The following RAB6B variants were observed in gnomAD, a reference collection of about 807,000 sequenced individuals.
RAB6B encodes RAB6B, member RAS oncogene family.
Under a neutral mutation model 31.2 loss-of-function variants are expected in RAB6B, and 7 were observed. That is an observed-to-expected ratio of 0.22 (90% confidence interval 0.13 to 0.42). The LOEUF (loss-of-function observed/expected upper bound fraction) is 0.42. Ranked by LOEUF, RAB6B falls within the 10% of genes least tolerant of loss-of-function variation. RAB6B has a pLI of 1.00. For missense variants in RAB6B, 149 were observed against 280.6 expected (o/e 0.53, Z 3.35); for synonymous variants, 105 against 104.9 (o/e 1.00, Z -0.01).
intron 1 of RAB6B, among the ~76,000 whole-genome samples, chr3:133,866,664 G>A (rs980759249): frequency 1.1e-4 from 16 of 152,248 alleles, no homozygotes; most frequent in Non-Finnish European, 2.9e-5. Flanking sequence ...TTCACATGAA[G>A]GTGAGAAGTA....
chr3:133,871,635 G>A (rs1183199844), intron 1 of RAB6B, among the ~76,000 whole-genome samples: 1 of 152,222 alleles, frequency 6.6e-6, no homozygotes, highest in Non-Finnish European at 1.5e-5. Context: ...CTCCACGAAG[G>A]ACAGCTCTTC....
chr3:133,830,223 G>C (rs899767822), intron 7 of RAB6B, among the ~76,000 whole-genome samples: 6 of 152,212 alleles, frequency 3.9e-5, no homozygotes, highest in Non-Finnish European at 7.3e-5. Flanking sequence ...AGGCCTCCTT[G>C]AGGTCTCCTG....
intron 2 of RAB6B, among the ~76,000 whole-genome samples, chr3:133,850,934 A>G (rs1389181570): frequency 1.3e-5 from 2 of 151,986 alleles, no homozygotes; most frequent in Non-Finnish European, 2.9e-5. Context: ...CACCTCACGC[A>G]AGGAAATAAC....
chr3:133,886,579 A>G (rs755108145), intron 1 of RAB6B, among the ~76,000 whole-genome samples: 2 of 151,982 alleles, frequency 1.3e-5, no homozygotes, highest in Non-Finnish European at 2.9e-5. Context: ...TGGGGAAAAC[A>G]CTGGCCAGGG....
intron 4 of RAB6B, 42 bp downstream of exon 4, chr3:133,841,243 C>A: frequency 1.2e-6 from 2 of 1,600,788 alleles, no homozygotes; most frequent in Non-Finnish European, 8.6e-7. Flanking sequence ...GGCCCTGGAC[C>A]CCCTATGAGC....
chr3:133,838,341 G>T, intron 5 of RAB6B, 82 bp from the exon 6 acceptor site: 3 of 1,276,304 alleles, frequency 2.4e-6, no homozygotes, highest in Non-Finnish European at 2.3e-6. Context: ...ACCCAGCAGG[G>T]CAGAGGGAGC....
intron 2 of RAB6B, among the ~76,000 whole-genome samples, chr3:133,847,988 A>T (rs1935929558): frequency 1.3e-5 from 2 of 152,168 alleles, no homozygotes; most frequent in Non-Finnish European, 2.9e-5. Flanking sequence ...GATGCTTCAA[A>T]TATGATATAC....
intron 6 of RAB6B, among the ~76,000 whole-genome samples, chr3:133,835,322 T>C (rs967564548): frequency 1.3e-5 from 2 of 152,056 alleles, no homozygotes; most frequent in African/African-American, 4.8e-5. Flanking sequence ...GGTAGGTGCA[T>C]GTATGTTTGT....
chr3:133,871,818 C>A (rs1333263605), intron 1 of RAB6B, among the ~76,000 whole-genome samples: 1 of 152,234 alleles, frequency 6.6e-6, no homozygotes, highest in East Asian at 1.9e-4. Context: ...CAGAGCCAAG[C>A]CAGAACCCTG....
At chr3:133,881,293 G>T (rs1269813860) in intron 1 of RAB6B, among the ~76,000 whole-genome samples, 1 of 152,162 alleles carries the variant, frequency 6.6e-6, no homozygotes, top group Non-Finnish European at 1.5e-5. Flanking sequence ...TGTGAAGAGG[G>T]GCCACAGAAG....
intron 6 of RAB6B, among the ~76,000 whole-genome samples, chr3:133,837,624 C>T (rs1935755709): frequency 6.6e-6 from 1 of 152,196 alleles, no homozygotes; most frequent in African/African-American, 2.4e-5. Flanking sequence ...AAATTCCACC[C>T]ATGGACTACT....
At chr3:133,848,753 CTTT>C (rs1249421705) in intron 2 of RAB6B, among the ~76,000 whole-genome samples, 1 of 145,478 alleles carries the variant, frequency 6.9e-6, no homozygotes, top group Non-Finnish European at 1.5e-5. Flanking sequence ...AAAGGCTCCA[CTTT>C]TTTTTTTTTT....
chr3:133,841,792 T>C, intron 2 of RAB6B, 129 bp from the exon 3 acceptor site: 1 of 827,778 alleles, frequency 1.2e-6, no homozygotes. Context: ...GTGGCCATGC[T>C]CTGTCCTCCC....
At chr3:133,887,836 T>C (rs1034251137) in intron 1 of RAB6B, among the ~76,000 whole-genome samples, 1 of 152,176 alleles carries the variant, frequency 6.6e-6, no homozygotes, top group Non-Finnish European at 1.5e-5. Context: ...TAATTAGTTC[T>C]CAGCTAGAAC....
intron 6 of RAB6B, among the ~76,000 whole-genome samples, chr3:133,835,576 G>A (rs1253517439): frequency 6.6e-6 from 1 of 151,870 alleles, no homozygotes; most frequent in African/African-American, 2.4e-5. Context: ...GAATCTTGGA[G>A]GTGACAGGTA....
Position 133,895,740 on chromosome 3 carries a change from C to T in RAB6B, c.-274G>A, listed in dbSNP as rs1936703198. The T allele has an allele frequency of 2.2e-6, 1 of 455,332 alleles. No homozygotes were observed. The highest frequency in any genetic ancestry group is 2.1e-5 in the African/African-American group (1 of 48,268). 28.2% of individuals were successfully genotyped at this position (455,332 alleles called of 1,614,324 possible). ...CTGGCTGCGGTGCGAGGGGCGCGCTCTTTACGCCCGAGGCGCGGCGCTGGG... is the reference window on the plus strand; with the variant it reads ...CTGGCTGCGGTGCGAGGGGCGCGCTTTTTACGCCCGAGGCGCGGCGCTGGG... On this transcript the variant is annotated 5_prime_UTR_variant, in exon 1 of 8. Transcript: ENST00000285208.
At chr3:133,836,749 G>A (rs556396264) in intron 6 of RAB6B, among the ~76,000 whole-genome samples, 21 of 152,242 alleles carry the variant, frequency 1.4e-4, no homozygotes, top group African/African-American at 5.1e-4. Flanking sequence ...GACCATGACA[G>A]CTTCAGCCCC....
chr3:133,830,225 G>A (rs1935636502), intron 7 of RAB6B, among the ~76,000 whole-genome samples: 2 of 152,328 alleles, frequency 1.3e-5, no homozygotes, highest in African/African-American at 4.8e-5. Flanking sequence ...GCCTCCTTGA[G>A]GTCTCCTGGT....
Position 133,827,093 on chromosome 3 carries a change from A to C in RAB6B, c.*1695T>G, listed in dbSNP as rs1383177963. The C allele has an allele frequency of 6.6e-6, 1 of 152,618 alleles. No homozygotes were observed. Among genetic ancestry groups the C allele is most frequent in the Non-Finnish European group, 1.5e-5 (1 of 68,048 alleles). The allele number at this position is 152,618 out of a possible 1,614,324, so 9.5% of individuals were successfully genotyped here. ...CCTTGCTAGAGATGAGCTCTGGCAT[A>C]CAGCCTCCTAGGCAGAGGGTGTGTG... On this transcript the variant is annotated 3_prime_UTR_variant, in exon 8 of 8. Transcript: ENST00000285208.
Sources: allele counts gnomAD v4.1 joint callset (sites outside exome capture counted in the v4.1 genomes callset), GRCh38; gene constraint gnomAD v4.1.1; transcripts MANE v1.5; gene names NCBI Gene and HGNC (gene_info 2026-07-23, HGNC 2026-07-21).